The following NAALADL2 variants were observed in gnomAD, a reference collection of about 807,000 sequenced individuals.
The protein encoded by NAALADL2 is N-acetylated alpha-linked acidic dipeptidase like 2.
In NAALADL2, 76 loss-of-function variants were observed where a neutral mutation model predicts 87.2. The ratio of observed to expected loss-of-function variants is 0.87; its 90% CI spans 0.72 to 1.05. The LOEUF (loss-of-function observed/expected upper bound fraction) is 1.05. NAALADL2 is among the 50% of genes least tolerant of loss of function. NAALADL2 has a pLI of 0.00. For missense variants in NAALADL2, 1,089 were observed against 945.8 expected (o/e 1.15, Z -1.99); for synonymous variants, 354 against 331.0 (o/e 1.07, Z -0.75).
At chr3:174,447,674 G>A (rs1287551883) in intron 1 of NAALADL2, among the ~76,000 whole-genome samples, 2 of 152,046 alleles carry the variant, frequency 1.3e-5, no homozygotes, top group East Asian at 3.9e-4. Context: ...AAATAGCCGG[G>A]TGTGGTGGTG....
chr3:175,780,233 G>A (rs1391644491), intron 13 of NAALADL2, among the ~76,000 whole-genome samples: 5 of 150,870 alleles, frequency 3.3e-5, no homozygotes, highest in East Asian at 2.0e-4. Flanking sequence ...CCGAGATCGC[G>A]CCACTGCACT....
intron 8 of NAALADL2, 23 bp downstream of exon 8, chr3:175,467,207 T>C: frequency 6.3e-7 from 1 of 1,579,416 alleles, no homozygotes; most frequent in Non-Finnish European, 8.7e-7. Flanking sequence ...ATACATTAAT[T>C]ACAGTGCTTT....
chr3:175,089,987 A>G (rs1361168345), intron 1 of NAALADL2, among the ~76,000 whole-genome samples: 3 of 152,040 alleles, frequency 2.0e-5, no homozygotes, highest in African/African-American at 7.2e-5. Flanking sequence ...TAGGTTTGTG[A>G]CTGTATTTAT....
intron 10 of NAALADL2, among the ~76,000 whole-genome samples, chr3:175,603,813 A>T (rs931445240): frequency 6.6e-6 from 1 of 151,812 alleles, no homozygotes; most frequent in African/African-American, 2.4e-5. Context: ...GTAACATGGC[A>T]AGACCCCATC....
chr3:175,748,620 T>A (rs1455685443), intron 12 of NAALADL2, among the ~76,000 whole-genome samples: 1 of 152,178 alleles, frequency 6.6e-6, no homozygotes, highest in Non-Finnish European at 1.5e-5. Flanking sequence ...TACATTTGTT[T>A]GATATAAAAA....
At chr3:174,732,736 T>G (rs1381532741) in intron 2 of NAALADL2, among the ~76,000 whole-genome samples, 1 of 152,176 alleles carries the variant, frequency 6.6e-6, no homozygotes, top group Non-Finnish European at 1.5e-5. Flanking sequence ...TAAAGTGTCT[T>G]GAAGAAGACT....
intron 2 of NAALADL2, among the ~76,000 whole-genome samples, chr3:175,220,894 A>G (rs887496102): frequency 6.6e-6 from 1 of 152,056 alleles, no homozygotes; most frequent in Non-Finnish European, 1.5e-5. Context: ...TTCCATTATC[A>G]TTCATTTCAA....
intron 2 of NAALADL2, among the ~76,000 whole-genome samples, chr3:175,171,215 G>A (rs1247563749): frequency 6.6e-6 from 1 of 151,906 alleles, no homozygotes; most frequent in Admixed American, 6.6e-5. Context: ...ACCTTATTGT[G>A]TCAGAAACTT....
chr3:174,492,828 T>C (rs1718288790), intron 1 of NAALADL2, among the ~76,000 whole-genome samples: 1 of 152,214 alleles, frequency 6.6e-6, no homozygotes, highest in East Asian at 1.9e-4. Flanking sequence ...CTGACCACTT[T>C]CCTTTTCAAG....
intron 2 of NAALADL2, among the ~76,000 whole-genome samples, chr3:175,190,071 A>G (rs574453217): frequency 6.6e-6 from 1 of 152,210 alleles, no homozygotes; most frequent in Admixed American, 6.5e-5. Flanking sequence ...TGGATAAAAG[A>G]CTTAAACATA....
intron 1 of NAALADL2, among the ~76,000 whole-genome samples, chr3:174,910,283 G>T (rs901969824): frequency 6.6e-6 from 1 of 151,870 alleles, no homozygotes; most frequent in African/African-American, 2.4e-5. Flanking sequence ...TAATATTTTG[G>T]CATGCTAACT....
chr3:175,348,694 T>C (rs552863611), intron 5 of NAALADL2, among the ~76,000 whole-genome samples: 2 of 152,276 alleles, frequency 1.3e-5, no homozygotes, highest in African/African-American at 4.8e-5. Flanking sequence ...CTATGGTTTT[T>C]CTTTAAGGAT....
At chr3:175,783,720 C>T (rs1292730940) in intron 13 of NAALADL2, among the ~76,000 whole-genome samples, 3 of 150,994 alleles carry the variant, frequency 2.0e-5, no homozygotes, top group Non-Finnish European at 4.4e-5. Context: ...ATTGCCCTGG[C>T]CAGAACTTCC....
At chr3:174,857,371 G>A (rs780252378), upstream of NAALADL2, among the ~76,000 whole-genome samples, 1 of 152,058 alleles carries the variant, frequency 6.6e-6, no homozygotes, top group Non-Finnish European at 1.5e-5. Flanking sequence ...AGACCTTTCT[G>A]GTGTTTATAT....
At chr3:174,635,506 G>T (rs1578385547) in intron 2 of NAALADL2, among the ~76,000 whole-genome samples, 1 of 139,570 alleles carries the variant, frequency 7.2e-6, no homozygotes, top group African/African-American at 2.7e-5. Context: ...GGTGGTTGTG[G>T]TTTTTTTTTT....
chr3:175,780,959 G>A (rs181253278), intron 13 of NAALADL2, among the ~76,000 whole-genome samples: 16 of 152,004 alleles, frequency 1.1e-4, no homozygotes, highest in African/African-American at 3.9e-4. Context: ...TTTTCAAAAG[G>A]CACATGAGAG....
chr3:175,123,718 C>T (rs1402077984), intron 2 of NAALADL2, among the ~76,000 whole-genome samples: 1 of 151,890 alleles, frequency 6.6e-6, no homozygotes, highest in Non-Finnish European at 1.5e-5. Flanking sequence ...CAAGAGTCAA[C>T]TTACGTATTT....
At chr3:174,792,054 A>AAAAC (rs202137341) in intron 3 of NAALADL2, among the ~76,000 whole-genome samples, 5 of 152,060 alleles carry the variant, frequency 3.3e-5, no homozygotes, top group South Asian at 4.1e-4. Context: ...ACTAAAACAA[A>AAAAC]AAACAAACAA....
chr3:175,803,360 A>C lies in NAALADL2; in HGVS notation c.*157A>C, dbSNP rs1754421866. ...TGTATTTTTTAAATGTAAATATAGA[A>C]AGAACATTTTGCACATTTAATATTT... On this transcript the variant is annotated 3_prime_UTR_variant, in exon 14 of 14. Coordinates refer to ENST00000454872, the MANE Select transcript of NAALADL2 (RefSeq NM_207015.3). 1 of 452,694 alleles carries C rather than the reference A, an allele frequency of 2.2e-6. No homozygotes were observed. The highest frequency in any genetic ancestry group is 2.0e-5 in the African/African-American group (1 of 50,242). The allele number at this position is 452,694 out of a possible 1,614,324, so 28.0% of individuals were successfully genotyped here. A position where few individuals can be genotyped will look rare whatever the true frequency, so the allele number is the denominator to read the frequency against.
Sources: gnomAD v4.1 joint callset for allele counts (sites outside exome capture counted in the v4.1 genomes callset) on GRCh38, gnomAD v4.1.1 for gene constraint, MANE v1.5 for transcripts, NCBI Gene and HGNC (gene_info 2026-07-23, HGNC 2026-07-21) for gene names.